DOCK5: variants seen among roughly 807,000 people sequenced by gnomAD.
DOCK5 encodes dedicator of cytokinesis 5, also known as dedicator of cytokinesis protein 5.
A neutral mutation model predicts 251.8 loss-of-function variants in DOCK5; 142 were observed. The ratio of observed to expected loss-of-function variants is 0.56; its 90% CI spans 0.49 to 0.65. The LOEUF is 0.65. Among genes scored for constraint, DOCK5 ranks in the 30% least tolerant of loss-of-function variants. The probability of loss-of-function intolerance (pLI) is 0.00; values close to 1 mark genes in which losing one functional copy is unlikely to be tolerated. For synonymous variants in DOCK5, 842 were observed against 835.5 expected (o/e 1.01, Z -0.13); for missense variants, 2,111 against 2,312.3 (o/e 0.91, Z 1.79).
chr8:25,246,462 C>T (rs561494038), intron 2 of DOCK5, among the ~76,000 whole-genome samples: 1 of 152,202 alleles, frequency 6.6e-6, no homozygotes, highest in East Asian at 1.9e-4. Context: ...TTAGTAGAGA[C>T]AGGGTTTCCC....
At chr8:25,217,102 A>G (rs1054166068) in intron 1 of DOCK5, among the ~76,000 whole-genome samples, 11 of 149,002 alleles carry the variant, frequency 7.4e-5, no homozygotes, top group Non-Finnish European at 1.5e-5. Context: ...ATATATACAC[A>G]TATATACGTA....
chr8:25,401,058 A>G lies in DOCK5; in HGVS notation c.4918A>G (p.Ile1640Val), dbSNP rs758324521. 26 of 1,613,902 alleles carry G rather than the reference A, an allele frequency of 1.6e-5. No individual in the cohort carries two copies. In the South Asian group the frequency reaches 1.8e-4, roughly 11 times the overall value. The change falls in exon 47 of 52, where the codon ATA becomes GTA. Residue 1640 changes from isoleucine to valine, a missense_variant. Around this residue, in one of 3 missense-constraint regions of DOCK5, gnomAD observed 1,717 missense variants for 1,892.4 expected, o/e 0.91. Coordinates refer to ENST00000276440, the MANE Select transcript of DOCK5 (RefSeq NM_024940.8). Reference protein sequence around the residue: ...KEKVEKHYGVITLPPNLTERK... With the variant: ...KEKVEKHYGVVTLPPNLTERK... ...GAAAGTAGAAAAGCACTATGGGGTT[A>G]TAACACTGGTAAGCATGATCTAAGT...
chr8:25,225,905 G>A (rs1002119490), intron 1 of DOCK5, among the ~76,000 whole-genome samples: 1 of 152,134 alleles, frequency 6.6e-6, no homozygotes, highest in East Asian at 1.9e-4. Flanking sequence ...AGTGAATGGG[G>A]AGTTATTGCT....
chr8:25,332,456 T>TA, intron 19 of DOCK5, 108 bp downstream of exon 19: 1 of 1,207,156 alleles, frequency 8.3e-7, no homozygotes, highest in Non-Finnish European at 1.2e-6. Flanking sequence ...ATTGTAAATA[T>TA]AAAATCTACG....
chr8:25,275,663 C>G (rs551437765), intron 4 of DOCK5, among the ~76,000 whole-genome samples: 1 of 152,048 alleles, frequency 6.6e-6, no homozygotes, highest in Non-Finnish European at 1.5e-5. Context: ...GGTAAAACCC[C>G]CATCTCTACT....
intron 1 of DOCK5, among the ~76,000 whole-genome samples, chr8:25,240,974 C>T (rs1253869488): frequency 2.0e-5 from 3 of 152,180 alleles, no homozygotes; most frequent in Non-Finnish European, 4.4e-5. Flanking sequence ...AGTTCAATCT[C>T]AGCCTCCATC....
At chr8:25,351,974 T>G in intron 27 of DOCK5, 148 bp downstream of exon 27, 2 of 623,884 alleles carry the variant, frequency 3.2e-6, no homozygotes, top group Non-Finnish European at 5.6e-6. Context: ...TAGCAGATCT[T>G]GATTCTGACA....
intron 1 of DOCK5, among the ~76,000 whole-genome samples, chr8:25,194,106 C>T (rs940475101): frequency 2.1e-5 from 3 of 142,090 alleles, no homozygotes; most frequent in African/African-American, 5.3e-5. Flanking sequence ...GCCAACATGG[C>T]GAAACCCTAT....
intron 4 of DOCK5, chr8:25,277,348 C>T (rs984948757): frequency 6.5e-6 from 1 of 152,792 alleles, no homozygotes; most frequent in African/African-American, 2.4e-5. Flanking sequence ...TACCAAAGGG[C>T]CTTATTTTCA....
intron 1 of DOCK5, 47 bp from the exon 2 acceptor site, chr8:25,243,627 C>T (rs755894705): frequency 2.6e-6 from 4 of 1,568,000 alleles, no homozygotes; most frequent in Middle Eastern, 1.7e-4. Flanking sequence ...CCGTGCCCAG[C>T]CAAGTGACAT....
At chr8:25,314,578 A>G (rs1805186903) in intron 13 of DOCK5, among the ~76,000 whole-genome samples, 1 of 68,650 alleles carries the variant, frequency 1.5e-5, no homozygotes, top group African/African-American at 6.0e-5. Context: ...CCACCCATCT[A>G]TCATCCATCC....
chr8:25,189,222 C>T (rs1261059289), intron 1 of DOCK5, among the ~76,000 whole-genome samples: 1 of 151,966 alleles, frequency 6.6e-6, no homozygotes, highest in Admixed American at 6.6e-5. Flanking sequence ...AAATATTAAA[C>T]TTTTAAAATA....
chr8:25,233,640 T>G (rs1467461392), intron 1 of DOCK5, among the ~76,000 whole-genome samples: 2 of 152,122 alleles, frequency 1.3e-5, no homozygotes, highest in African/African-American at 4.8e-5. Flanking sequence ...AGGATGGTAG[T>G]TTTTTGGCCA....
At chr8:25,222,896 G>A (rs1510759) in intron 1 of DOCK5, among the ~76,000 whole-genome samples, 1 of 152,038 alleles carries the variant, frequency 6.6e-6, no homozygotes, top group East Asian at 1.9e-4. Context: ...TGGCAGCTAC[G>A]TCGCCAGCAG....
chr8:25,190,775 G>GAT (rs755511798), intron 1 of DOCK5, among the ~76,000 whole-genome samples: 9,772 of 54,214 alleles, frequency 0.18, 809 homozygotes, highest in South Asian at 0.43. Flanking sequence ...CTTGGTCATG[G>GAT]GTTTTTTTTT....
rs752959090 is a variant in DOCK5 at position 25,403,799 on chromosome 8, C to T, written c.5093+75C>T. On this transcript the variant is annotated intron_variant, in intron 48 of 51. Coordinates refer to ENST00000276440, the MANE Select transcript of DOCK5 (RefSeq NM_024940.8). ...AATGTTTGCCTTTAGCCACGCATCACTCCTTTGAGAAAAATAGCCTTTGGG... is the reference window on the plus strand; with the variant it reads ...AATGTTTGCCTTTAGCCACGCATCATTCCTTTGAGAAAAATAGCCTTTGGG... The T allele has an allele frequency of 7.4e-6, 11 of 1,493,322 alleles. No homozygotes were observed. In the African/African-American group the frequency reaches 1.4e-4, roughly 19 times the overall value. The allele number at this position is 1,493,322 out of a possible 1,614,324, so 92.5% of individuals were successfully genotyped here. A position where few individuals can be genotyped will look rare whatever the true frequency, so the allele number is the denominator to read the frequency against.
chr8:25,326,758 C>A (rs1022226078), intron 18 of DOCK5, among the ~76,000 whole-genome samples: 3 of 151,984 alleles, frequency 2.0e-5, no homozygotes, highest in African/African-American at 4.8e-5. Flanking sequence ...GAGATGGACA[C>A]GAAGATTTAT....
chr8:25,191,422 G>A (rs577144880), intron 1 of DOCK5, among the ~76,000 whole-genome samples: 68 of 152,224 alleles, frequency 4.5e-4, no homozygotes, highest in African/African-American at 1.6e-3. Flanking sequence ...TCTGTTCCTT[G>A]AAAATATGTA....
chr8:25,306,316 C>T (rs1469212346), intron 11 of DOCK5, among the ~76,000 whole-genome samples: 2 of 152,164 alleles, frequency 1.3e-5, no homozygotes, highest in Non-Finnish European at 1.5e-5. Context: ...ATGAATGCTG[C>T]TCTTGTTTTG....
Sources: allele counts gnomAD v4.1 joint callset (sites outside exome capture counted in the v4.1 genomes callset), GRCh38; gene constraint gnomAD v4.1.1; regional missense constraint gnomAD v4.1.1; transcripts MANE v1.5; gene names NCBI Gene and HGNC (gene_info 2026-07-23, HGNC 2026-07-21).